Variants in VMA21 observed in about 807,000 individuals in gnomAD.
VMA21 encodes the protein vacuolar ATPase assembly integral membrane protein VMA21.
For missense variants in VMA21, 61 were observed against 80.6 expected (o/e 0.76, Z 0.93); for synonymous variants, 47 against 34.1 (o/e 1.38, Z -1.32).
chrX:151,400,257 G>A (rs572773800), intron 1 of VMA21, among the ~76,000 whole-genome samples: 12 of 100,257 alleles, frequency 1.2e-4, no homozygotes, highest in Middle Eastern at 5.2e-3. Flanking sequence ...GTAGTTGACC[G>A]TTGACCTTTT....
intron 1 of VMA21, among the ~76,000 whole-genome samples, chrX:151,400,316 G>A (rs765640584): frequency 3.8e-5 from 3 of 79,792 alleles, no homozygotes; most frequent in South Asian, 6.0e-4. Flanking sequence ...TGTAGTATTC[G>A]TCTTTCTGCG....
upstream of VMA21, chrX:151,396,856 G>T: frequency 1.9e-6 from 1 of 523,088 alleles, no homozygotes; most frequent in Non-Finnish European, 3.5e-6. Flanking sequence ...GGGTCTCCTT[G>T]CGGCCCCCAG....
At chrX:151,402,836 G>A (rs944260463) in intron 1 of VMA21, among the ~76,000 whole-genome samples, 11 of 110,920 alleles carry the variant, frequency 9.9e-5, no homozygotes, top group East Asian at 5.7e-4. Context: ...ACGCTGGTGC[G>A]TCGGCTCCAC....
chrX:151,396,836 T>G (rs1415248253), upstream of VMA21: 3 of 513,492 alleles, frequency 5.8e-6, no homozygotes, highest in Non-Finnish European at 1.1e-5. Flanking sequence ...TCTTCGCGGC[T>G]CATATGCTCG....
intron 1 of VMA21, among the ~76,000 whole-genome samples, chrX:151,400,819 T>A: frequency 8.9e-6 from 1 of 112,553 alleles, no homozygotes; most frequent in South Asian, 3.6e-4. Context: ...ACATTTTCAT[T>A]TATCTCTTGG....
upstream of VMA21, chrX:151,397,161 A>G (rs2011198734): frequency 1.8e-6 from 1 of 542,643 alleles, no homozygotes; most frequent in Non-Finnish European, 2.6e-6. Context: ...GCCCGGCGCG[A>G]ACGGGCACTT....
intron 1 of VMA21, among the ~76,000 whole-genome samples, chrX:151,398,611 TATTC>T (rs2011213349): frequency 9.0e-6 from 1 of 111,698 alleles, no homozygotes; most frequent in Non-Finnish European, 1.9e-5. Flanking sequence ...TTTTTTTAAT[TATTC>T]ATTTATGAGA....
Position 151,403,725 on chromosome X carries a change from T to A in VMA21, c.148T>A (p.Ser50Thr). 8.4e-7 allele frequency: 1 copy of A among 1,195,258 alleles called. No individual in the cohort carries two copies. Among genetic ancestry groups the A allele is most frequent in the Non-Finnish European group, 1.1e-6 (1 of 880,468 alleles). ...VPIGLYFTTK[S>T]YIFEGALGMS... Reference sequence around the variant, plus strand: ...TATTGGGTTATATTTCACAACTAAATCTTACATATTTGAAGGTAATCTTAG... The same window carrying A: ...TATTGGGTTATATTTCACAACTAAAACTTACATATTTGAAGGTAATCTTAG... The change falls in exon 2 of 3, where the codon TCT becomes ACT. Residue 50 changes from serine (S) to threonine (T), a missense_variant. Physicochemically the swap from Ser to Thr is moderately conservative, Grantham distance 58. Transcript: ENST00000330374.
At chrX:151,397,091 AACAGCCCTGCGTCGCTGCGGCGCGCCGCG>A, upstream of VMA21, 2 of 429,523 alleles carry the variant, frequency 4.7e-6, no homozygotes, top group Non-Finnish European at 8.0e-6. Context: ...CCGCGCCGGC[AACAGCCCTGCGTCGCTGCGGCGCGCCGCG>A]CCGCGCCGCG....
chrX:151,402,701 C>T (rs969889384), intron 1 of VMA21, among the ~76,000 whole-genome samples: 2 of 112,898 alleles, frequency 1.8e-5, no homozygotes, highest in Non-Finnish European at 3.7e-5. Flanking sequence ...CTGGTCCGTT[C>T]GCCCTGCCTA....
rs2011277397 is a variant in VMA21, at chrX:151,405,208, A to T, written c.*150A>T. On this transcript the variant is annotated 3_prime_UTR_variant, in exon 3 of 3. Transcript: ENST00000330374. ...GTATGTAAATTTTGATCTTTCTAATATGTTGGTTTGTATATTCAGTTTTAA... is the reference window on the plus strand; with the variant it reads ...GTATGTAAATTTTGATCTTTCTAATTTGTTGGTTTGTATATTCAGTTTTAA... The T allele has an allele frequency of 1.5e-6, 1 of 670,430 alleles. No homozygotes were observed. Among genetic ancestry groups the T allele is most frequent in the South Asian group, 2.9e-5 (1 of 34,077 alleles). The allele number at this position is 670,430 out of a possible 1,213,427, so 55.3% of individuals were successfully genotyped here.
intron 1 of VMA21, among the ~76,000 whole-genome samples, chrX:151,400,343 T>C (rs936844701): frequency 1.7e-5 from 1 of 57,677 alleles, no homozygotes; most frequent in African/African-American, 1.1e-4. Flanking sequence ...TTATTTTACT[T>C]AACATGTCTT....
chrX:151,403,727 T>G lies in VMA21; in HGVS notation c.150T>G (p.Ser50=). The part of the protein sequence containing the change: ...VPIGLYFTTK[S]YIFEGALGMS... ...TTGGGTTATATTTCACAACTAAATC[T>G]TACATATTTGAAGGTAATCTTAGAC... is the stretch of plus-strand genomic sequence containing the variant. Residue 50 remains serine (S), a synonymous_variant, in exon 2 of 3, where the codon TCT becomes TCG. Coordinates refer to ENST00000330374, the MANE Select transcript of VMA21 (RefSeq NM_001017980.4). 8.4e-7 allele frequency: 1 copy of G among 1,196,033 alleles called. No homozygotes were observed.
At chrX:151,400,789 A>G (rs2011231493) in intron 1 of VMA21, among the ~76,000 whole-genome samples, 1 of 111,937 alleles carries the variant, frequency 8.9e-6, no homozygotes, top group Admixed American at 9.4e-5. Flanking sequence ...CATTTCCCTG[A>G]TGATTTAGTG....
At chrX:151,402,165 GT>G (rs2011242080) in intron 1 of VMA21, among the ~76,000 whole-genome samples, 1 of 111,513 alleles carries the variant, frequency 9.0e-6, no homozygotes, top group African/African-American at 3.3e-5. Context: ...ATCCTACTTG[GT>G]CATAATATAT....
intron 1 of VMA21, among the ~76,000 whole-genome samples, chrX:151,399,170 AAGT>A (rs1396274587): frequency 6.2e-5 from 7 of 112,175 alleles, no homozygotes; most frequent in African/African-American, 1.6e-4. Context: ...CAACACAGAA[AAGT>A]AGTCACATTT....
In VMA21 at chrX:151,397,275, C is replaced by T. The variant is rs771691644; in HGVS notation, c.-34C>T. 2.6e-6 allele frequency: 3 copies of T among 1,150,966 alleles called. No homozygotes were observed. Among genetic ancestry groups the T allele is most frequent in the Non-Finnish European group, 3.5e-6 (3 of 867,622 alleles). 94.9% of individuals were successfully genotyped at this position (1,150,966 alleles called of 1,213,427 possible). A position where few individuals can be genotyped will look rare whatever the true frequency, so the allele number is the denominator to read the frequency against. ...TGAGCGCGGCCGCCGAGCCCAGCTC[C>T]GCCGCCGAGCGCCTGTGCCGGCACG... On this transcript the variant is annotated 5_prime_UTR_variant, in exon 1 of 3. Transcript: ENST00000330374.
Position 151,405,006 on chromosome X carries a change from A to G in VMA21, c.254A>G (p.Tyr85Cys). The G allele has an allele frequency of 1.7e-6, 2 of 1,211,382 alleles. No individual in the cohort carries two copies. Among genetic ancestry groups the G allele is most frequent in the Non-Finnish European group, 2.2e-6 (2 of 895,499 alleles). Residue 85 changes from tyrosine to cysteine, a missense_variant, in exon 3 of 3, where the codon TAT becomes TGT. Tyr to Cys is a radical substitution (Grantham distance 194). Coordinates refer to ENST00000330374, the MANE Select transcript of VMA21 (RefSeq NM_001017980.4). Reference protein sequence around the residue: ...AVHVVLALFVYVAWNEGSRQW... With the variant: ...AVHVVLALFVCVAWNEGSRQW... ...CATGTGGTGCTGGCCCTCTTTGTGT[A>G]TGTGGCCTGGAATGAAGGCTCACGA...
chrX:151,397,096 C>G, upstream of VMA21: 2 of 367,495 alleles, frequency 5.4e-6, no homozygotes, highest in Non-Finnish European at 9.0e-6. Flanking sequence ...CCGGCAACAG[C>G]CCTGCGTCGC....
Sources: allele counts gnomAD v4.1 joint callset (sites outside exome capture counted in the v4.1 genomes callset), GRCh38; gene constraint gnomAD v4.1.1; transcripts MANE v1.5; gene names NCBI Gene and HGNC (gene_info 2026-07-23, HGNC 2026-07-21).